Variants in REEP5 observed in about 807,000 individuals in gnomAD.
REEP5 encodes receptor accessory protein 5.
Under a neutral mutation model 22.4 loss-of-function variants are expected in REEP5, and 24 were observed. The observed-to-expected ratio is 1.07, with a 90% CI of 0.78 to 1.51. The LOEUF (loss-of-function observed/expected upper bound fraction) is 1.51. Ranked by LOEUF, REEP5 falls within the 40% of genes most tolerant of loss-of-function variation. The pLI is 0.00. For missense variants in REEP5, 252 were observed against 233.0 expected, an observed-to-expected ratio of 1.08 and a Z score of -0.53; for synonymous variants, 103 against 88.6, an observed-to-expected ratio of 1.16 and a Z score of -0.92.
chr5:112,906,803 C>T (rs1481699176), intron 2 of REEP5, among the ~76,000 whole-genome samples: 3 of 152,146 alleles, frequency 2.0e-5, no homozygotes, highest in Non-Finnish European at 2.9e-5. Flanking sequence ...GTTTGGAAAC[C>T]ACCTCAAAGT....
intron 3 of REEP5, chr5:112,893,094 TAAAA>T (rs552226372): frequency 0.018 from 9,091 of 499,300 alleles, 8 homozygotes; most frequent in East Asian, 0.029. Flanking sequence ...GTTTTGTTCT[TAAAA>T]AAAAAAAAAA....
intron 3 of REEP5, among the ~76,000 whole-genome samples, chr5:112,901,216 C>A (rs970268594): frequency 2.6e-5 from 4 of 151,860 alleles, no homozygotes; most frequent in African/African-American, 4.8e-5. Flanking sequence ...AACTGCTGAC[C>A]AAGAATTTTA....
chr5:112,882,272 C>T (rs1304285689), intron 4 of REEP5, among the ~76,000 whole-genome samples: 1 of 152,080 alleles, frequency 6.6e-6, no homozygotes, highest in African/African-American at 2.4e-5. Flanking sequence ...ACTCAGCCAC[C>T]ATCACCTTTT....
At position 112,878,655 on chromosome 5, in the gene REEP5, T is replaced by C. The variant is rs1401401984; in HGVS notation, c.*131A>G. 1 of 1,321,972 alleles carries C rather than the reference T, an allele frequency of 7.6e-7. No individual in the cohort carries two copies. Among genetic ancestry groups the C allele is most frequent in the Non-Finnish European group, 1.0e-6 (1 of 963,848 alleles). 81.9% of individuals were successfully genotyped at this position (1,321,972 alleles called of 1,614,324 possible). ...AGTAAGCAAAGAAACTTACAACACA[T>C]TCCAATCTTTAATATCTCAAAAATG... On this transcript the variant is annotated 3_prime_UTR_variant, in exon 5 of 5. Coordinates refer to ENST00000379638, the MANE Select transcript of REEP5 (RefSeq NM_005669.5).
At chr5:112,908,442 T>C (rs187270625) in intron 2 of REEP5, among the ~76,000 whole-genome samples, 2 of 152,290 alleles carry the variant, frequency 1.3e-5, no homozygotes, top group East Asian at 3.9e-4. Context: ...CCTATGAGAC[T>C]AGTTTTCTCT....
At chr5:112,901,889 G>C (rs1438607158) in intron 3 of REEP5, among the ~76,000 whole-genome samples, 1 of 150,872 alleles carries the variant, frequency 6.6e-6, no homozygotes, top group African/African-American at 2.4e-5. Flanking sequence ...CTTGAACCTG[G>C]GGGGTGGAGG....
chr5:112,904,768 T>C (rs561293394), intron 2 of REEP5, among the ~76,000 whole-genome samples: 129 of 152,342 alleles, frequency 8.5e-4, no homozygotes, highest in African/African-American at 2.9e-3. Flanking sequence ...ATTTTTTAAA[T>C]GTTAGTCAAG....
chr5:112,921,864 A>C (rs1370764424), intron 1 of REEP5: 2 of 487,322 alleles, frequency 4.1e-6, no homozygotes, highest in Non-Finnish European at 6.9e-6. Context: ...GCTGCCCTCC[A>C]GCCCCGCGAC....
At chr5:112,894,728 A>G (rs1322870963) in intron 3 of REEP5, 1 of 152,224 alleles carries the variant, frequency 6.6e-6, no homozygotes, top group Non-Finnish European at 1.5e-5. Flanking sequence ...ATTTTGCTGT[A>G]TTTTATTAAT....
rs58737941 is a variant in REEP5 at position 112,881,128 on chromosome 5, CAAAAAAA to C, written c.521-2300_521-2294del. On this transcript the variant is annotated intron_variant, in intron 4 of 4. Coordinates refer to ENST00000379638, the MANE Select transcript of REEP5 (RefSeq NM_005669.5). ...TGGGCAACAGAGTGAGACTCTGTTT[CAAAAAAA>C]AAAAAAAAAAAAAAAAGCTGGCAAT... is the stretch of plus-strand genomic sequence containing the variant. 3.4e-3 allele frequency among the ~76,000 whole-genome samples: 227 copies of C among 67,222 alleles called. 2 individuals carry two copies. Among genetic ancestry groups the C allele is most frequent in the African/African-American group, 0.013 (210 of 16,454 alleles). 44.1% of individuals were successfully genotyped at this position (67,222 alleles called of 152,430 possible). A position where few individuals can be genotyped will look rare whatever the true frequency, so the allele number is the denominator to read the frequency against.
In REEP5 at chr5:112,913,381, GAGAA is replaced by G. The variant is rs944288018; in HGVS notation, c.212+7778_212+7781del. On this transcript the variant is annotated intron_variant, in intron 2 of 4. Transcript: ENST00000379638. ...AGAAAGGAAAGAAAGAAGAAAGAAA[GAGAA>G]AGAAAGAGAAAGAAAGAAAAAAAGA... is the stretch of plus-strand genomic sequence containing the variant. Among the ~76,000 whole-genome samples the G allele has an allele frequency of 2.4e-4, 8 of 33,866 alleles. No individual in the cohort carries two copies. In the African/African-American group the frequency reaches 2.5e-3, roughly 11 times the overall value. 22.2% of individuals were successfully genotyped at this position (33,866 alleles called of 152,430 possible). A position where few individuals can be genotyped will look rare whatever the true frequency, so the allele number is the denominator to read the frequency against.
chr5:112,915,675 G>A (rs192825055), intron 2 of REEP5, among the ~76,000 whole-genome samples: 14 of 152,146 alleles, frequency 9.2e-5, no homozygotes, highest in South Asian at 4.1e-4. Flanking sequence ...AGTGCACATC[G>A]GCCAGAAGGC....
At chr5:112,879,845 GAGGT>G (rs2150033027) in intron 4 of REEP5, among the ~76,000 whole-genome samples, 1 of 152,158 alleles carries the variant, frequency 6.6e-6, no homozygotes, top group African/African-American at 2.4e-5. Flanking sequence ...TTGGGAGGCT[GAGGT>G]GGGAAGATCG....
At chr5:112,893,236 C>G (rs1768556518) in intron 3 of REEP5, 1 of 318,034 alleles carries the variant, frequency 3.1e-6, no homozygotes, top group Non-Finnish European at 5.9e-6. Flanking sequence ...ATGGCAAAAC[C>G]CCATTTCTAC....
chr5:112,892,698 G>C (rs139520456), intron 3 of REEP5: 7 of 1,614,062 alleles, frequency 4.3e-6, no homozygotes, highest in Non-Finnish European at 2.5e-6. Flanking sequence ...ACATCTACTT[G>C]TCTTCAGATC....
chr5:112,882,798 C>T (rs1023196465), intron 4 of REEP5, among the ~76,000 whole-genome samples: 6 of 152,210 alleles, frequency 3.9e-5, no homozygotes, highest in Admixed American at 2.0e-4. Flanking sequence ...CCCTCTCCTT[C>T]GCAACTATTT....
At chr5:112,891,029 G>C (rs1768427085) in intron 3 of REEP5, among the ~76,000 whole-genome samples, 1 of 150,432 alleles carries the variant, frequency 6.6e-6, no homozygotes, top group South Asian at 2.1e-4. Context: ...CTTTCAGTAG[G>C]GGAAAGCAAA....
intron 2 of REEP5, among the ~76,000 whole-genome samples, chr5:112,908,575 G>A (rs1177730190): frequency 6.6e-6 from 1 of 151,912 alleles, no homozygotes; most frequent in Non-Finnish European, 1.5e-5. Context: ...GCCCAGGCTG[G>A]AGTGCAGTGG....
chr5:112,902,194 A>C (rs1768864478), intron 3 of REEP5, among the ~76,000 whole-genome samples, 186 bp downstream of exon 3: 1 of 142,132 alleles, frequency 7.0e-6, no homozygotes, highest in African/African-American at 2.8e-5. Flanking sequence ...GGCTGAGGCA[A>C]GTGGCTTGCT....
Sources: allele counts gnomAD v4.1 joint callset (sites outside exome capture counted in the v4.1 genomes callset), GRCh38; gene constraint gnomAD v4.1.1; transcripts MANE v1.5; gene names NCBI Gene and HGNC (gene_info 2026-07-23, HGNC 2026-07-21).